The following DDX10 variants were observed in gnomAD, a reference collection of about 807,000 sequenced individuals.
DDX10 encodes the protein DEAD-box helicase 10.
DDX10 carries 74 observed loss-of-function variants against 104.3 expected under a neutral mutation model. That is an observed-to-expected ratio of 0.71 (90% confidence interval 0.59 to 0.86). The LOEUF is 0.86. Ranked by LOEUF, DDX10 falls within the 40% of genes least tolerant of loss-of-function variation. The pLI, the probability that DDX10 is intolerant of heterozygous loss-of-function variation, is 0.00. For missense variants in DDX10, 952 were observed against 1,040.0 expected, an observed-to-expected ratio of 0.92 and a Z score of 1.16; for synonymous variants, 351 against 353.4, an observed-to-expected ratio of 0.99 and a Z score of 0.08.
intron 9 of DDX10, among the ~76,000 whole-genome samples, chr11:108,695,760 G>GTTTTTTTTT (rs34985675): frequency 7.2e-6 from 1 of 139,124 alleles, no homozygotes; most frequent in Non-Finnish European, 1.6e-5. Flanking sequence ...GTGTTTAAGT[G>GTTTTTTTTT]TTTTTTTTTT....
chr11:108,892,632 G>T (rs2134641250), intron 16 of DDX10, among the ~76,000 whole-genome samples: 1 of 152,146 alleles, frequency 6.6e-6, no homozygotes, highest in Admixed American at 6.5e-5. Flanking sequence ...GAAAATATGT[G>T]AGTACTATTA....
At chr11:108,679,306 C>A (rs1005485779) in intron 5 of DDX10, 65 bp from the exon 6 acceptor site, 1 of 1,304,112 alleles carries the variant, frequency 7.7e-7, no homozygotes, top group African/African-American at 1.5e-5. Flanking sequence ...ATCCAGGATA[C>A]CCATTGCATT....
At chr11:108,849,892 C>A (rs529759810) in intron 15 of DDX10, among the ~76,000 whole-genome samples, 1 of 151,856 alleles carries the variant, frequency 6.6e-6, no homozygotes, top group Non-Finnish European at 1.5e-5. Context: ...TGTCATAAAC[C>A]GTCTTTAGAA....
intron 7 of DDX10, among the ~76,000 whole-genome samples, chr11:108,689,785 G>A (rs753957657): frequency 6.6e-6 from 1 of 152,204 alleles, no homozygotes; most frequent in Non-Finnish European, 1.5e-5. Flanking sequence ...AATAGGGAAT[G>A]TAGTAGATCA....
At chr11:108,895,092 A>G (rs1434373605) in intron 16 of DDX10, among the ~76,000 whole-genome samples, 1 of 152,030 alleles carries the variant, frequency 6.6e-6, no homozygotes. Flanking sequence ...ATCTGCTGTG[A>G]TTTATAGAGA....
intron 13 of DDX10, among the ~76,000 whole-genome samples, chr11:108,820,348 A>G (rs1228078094): frequency 2.0e-5 from 3 of 152,196 alleles, no homozygotes; most frequent in Non-Finnish European, 2.9e-5. Context: ...CTTTGTTGGG[A>G]AAAGGGAATA....
intron 13 of DDX10, among the ~76,000 whole-genome samples, chr11:108,752,374 G>T (rs1210345510): frequency 6.6e-6 from 1 of 152,038 alleles, no homozygotes; most frequent in African/African-American, 2.4e-5. Flanking sequence ...TTCATTTTTT[G>T]GTGTTCTTTT....
At chr11:108,756,328 A>G (rs1189277656) in intron 13 of DDX10, among the ~76,000 whole-genome samples, 2 of 152,062 alleles carry the variant, frequency 1.3e-5, no homozygotes, top group Non-Finnish European at 2.9e-5. Flanking sequence ...GACCACATAC[A>G]TTTGGATGTC....
intron 16 of DDX10, among the ~76,000 whole-genome samples, chr11:108,878,271 G>A (rs1863178862): frequency 6.6e-6 from 1 of 152,122 alleles, no homozygotes; most frequent in African/African-American, 2.4e-5. Context: ...TGGAAGAAAA[G>A]GCAACTCAGC....
intron 13 of DDX10, among the ~76,000 whole-genome samples, chr11:108,798,655 C>T (rs1299019149): frequency 2.0e-5 from 3 of 152,026 alleles, no homozygotes; most frequent in Non-Finnish European, 4.4e-5. Flanking sequence ...AAATCTTGTA[C>T]GAGCGGTTTT....
chr11:108,665,781 G>C (rs567207451), intron 1 of DDX10, among the ~76,000 whole-genome samples: 1 of 152,250 alleles, frequency 6.6e-6, no homozygotes, highest in East Asian at 1.9e-4. Flanking sequence ...TTCACGCTTA[G>C]TAGGTGGTGT....
intron 13 of DDX10, 176 bp from the exon 14 acceptor site, chr11:108,838,270 G>C (rs937431579): frequency 3.6e-6 from 2 of 551,706 alleles, no homozygotes; most frequent in South Asian, 6.3e-5. Flanking sequence ...GTTTTGGGAG[G>C]AGTTCTTAGT....
At chr11:108,714,711 T>G (rs2094289085) in intron 10 of DDX10, among the ~76,000 whole-genome samples, 1 of 152,144 alleles carries the variant, frequency 6.6e-6, no homozygotes, top group Non-Finnish European at 1.5e-5. Flanking sequence ...TCACTAAGGA[T>G]GTGTACATTC....
intron 12 of DDX10, 151 bp from the exon 13 acceptor site, chr11:108,722,846 C>A: frequency 8.0e-7 from 1 of 1,247,666 alleles, no homozygotes; most frequent in Non-Finnish European, 1.1e-6. Flanking sequence ...CTTTTTGGAT[C>A]AACTAACCTG....
intron 13 of DDX10, among the ~76,000 whole-genome samples, chr11:108,825,381 A>C (rs1409637789): frequency 6.6e-6 from 1 of 152,218 alleles, no homozygotes; most frequent in East Asian, 1.9e-4. Context: ...GAAGTTAAAA[A>C]GCAATTTCTG....
At chr11:108,784,825 G>A (rs1032894943) in intron 13 of DDX10, among the ~76,000 whole-genome samples, 2 of 152,096 alleles carry the variant, frequency 1.3e-5, no homozygotes, top group Non-Finnish European at 2.9e-5. Context: ...ATAGTTTGAG[G>A]TCTTACATTT....
intron 17 of DDX10, among the ~76,000 whole-genome samples, chr11:108,937,002 A>C (rs1175259501): frequency 6.6e-6 from 1 of 152,232 alleles, no homozygotes; most frequent in African/African-American, 2.4e-5. Context: ...TCTTAGGTGC[A>C]AAATGACTGA....
chr11:108,935,134 T>G (rs1391317602), intron 17 of DDX10, among the ~76,000 whole-genome samples: 1 of 152,066 alleles, frequency 6.6e-6, no homozygotes, highest in African/African-American at 2.4e-5. Flanking sequence ...AAGCTAACCA[T>G]TTGGTAGGCA....
intron 17 of DDX10, among the ~76,000 whole-genome samples, chr11:108,930,063 T>A (rs886701599): frequency 3.3e-5 from 5 of 152,224 alleles, no homozygotes; most frequent in African/African-American, 1.2e-4. Context: ...TTGTATATCT[T>A]ATGGGTTTTG....
Sources: gnomAD v4.1 joint callset for allele counts (sites outside exome capture counted in the v4.1 genomes callset) on GRCh38, gnomAD v4.1.1 for gene constraint, MANE v1.5 for transcripts, NCBI Gene and HGNC (gene_info 2026-07-23, HGNC 2026-07-21) for gene names.